Variants in ATXN7 observed in about 807,000 individuals in gnomAD.
ATXN7 encodes the protein ataxin 7.
ATXN7 carries 12 observed loss-of-function variants against 70.5 expected under a neutral mutation model. The ratio of observed to expected loss-of-function variants is 0.17; its 90% CI spans 0.11 to 0.28. The LOEUF (loss-of-function observed/expected upper bound fraction) is 0.28. Among genes scored for constraint, ATXN7 ranks in the 10% least tolerant of loss-of-function variants. ATXN7 has a pLI of 1.00. For missense variants in ATXN7, 1,256 were observed against 1,131.7 expected (o/e 1.11, Z -1.58); for synonymous variants, 498 against 448.7 (o/e 1.11, Z -1.39).
At chr3:63,922,296 C>G (rs1307481870) in intron 4 of ATXN7, among the ~76,000 whole-genome samples, 1 of 152,144 alleles carries the variant, frequency 6.6e-6, no homozygotes, top group Non-Finnish European at 1.5e-5. Context: ...CCCACCTCAG[C>G]CTCCCGGAGT....
intron 1 of ATXN7, among the ~76,000 whole-genome samples, chr3:63,880,731 C>T (rs1702883116): frequency 6.6e-6 from 1 of 152,160 alleles, no homozygotes; most frequent in South Asian, 2.1e-4. Flanking sequence ...ACCTTCTAGA[C>T]AAAATTCAGT....
Position 63,988,164 on chromosome 3 carries a change from C to A in ATXN7, c.1201C>A (p.His401Asn), listed in dbSNP as rs1259171914. 1 of 1,613,866 alleles carries A rather than the reference C, an allele frequency of 6.2e-7. No individual in the cohort carries two copies. The highest frequency in any genetic ancestry group is 1.3e-5 in the African/African-American group (1 of 74,844). Residue 401 changes from histidine to asparagine, a missense_variant, in exon 9 of 13, where the codon CAT (histidine) becomes AAT (asparagine). His to Asn is a moderately conservative substitution (Grantham distance 68). Coordinates refer to ENST00000674280, the MANE Select transcript of ATXN7 (RefSeq NM_001377405.1). The part of the protein sequence containing the change: ...NKTREKELIR[H>N]PDSQQPPQPL... ...AACCAGGGAAAAGGAATTGATTCGC[C>A]ATCCGGACTCTCAGCAACCACCGCA...
chr3:63,999,720 C>T lies in ATXN7; in HGVS notation c.*253C>T, dbSNP rs943362652. On this transcript the variant is annotated 3_prime_UTR_variant, in exon 13 of 13. Transcript: ENST00000674280. ...TTGCTTTTATCAGTGTTAAAGTGGT[C>T]TGAACTGCTTGCTACCAATCTGTGA... 1.7e-5 allele frequency: 11 copies of T among 642,190 alleles called. No individual in the cohort carries two copies. Among genetic ancestry groups the T allele is most frequent in the African/African-American group, 1.6e-4 (9 of 54,668 alleles). The allele number at this position is 642,190 out of a possible 1,614,324, so 39.8% of individuals were successfully genotyped here. A position where few individuals can be genotyped will look rare whatever the true frequency, so the allele number is the denominator to read the frequency against.
intron 2 of ATXN7, among the ~76,000 whole-genome samples, chr3:63,910,409 T>A (rs901450424): frequency 6.6e-6 from 1 of 152,224 alleles, no homozygotes. Flanking sequence ...AAAATCCAAA[T>A]TTTCGTTTTT....
upstream of ATXN7, chr3:63,863,712 T>C: frequency 8.0e-7 from 1 of 1,247,296 alleles, no homozygotes; most frequent in Non-Finnish European, 1.0e-6. Context: ...AGGCCAGGGG[T>C]CTCAGGGGAG....
At chr3:63,931,252 T>G (rs764891303) in intron 4 of ATXN7, among the ~76,000 whole-genome samples, 2 of 152,192 alleles carry the variant, frequency 1.3e-5, no homozygotes, top group Non-Finnish European at 2.9e-5. Context: ...AGCAGAAGTT[T>G]GCTGATTTAT....
chr3:63,893,728 T>C (rs1211521894), intron 1 of ATXN7, among the ~76,000 whole-genome samples: 1 of 152,204 alleles, frequency 6.6e-6, no homozygotes, highest in Non-Finnish European at 1.5e-5. Context: ...CTTGTGTGTT[T>C]TCACATTGAC....
chr3:63,950,342 G>A (rs2074933261), intron 4 of ATXN7, among the ~76,000 whole-genome samples: 1 of 152,166 alleles, frequency 6.6e-6, no homozygotes, highest in African/African-American at 2.4e-5. Context: ...TCTATTTTAA[G>A]CAACAGTGCT....
Position 63,994,708 on chromosome 3 carries a change from C to T in ATXN7, c.1683-797C>T, listed in dbSNP as rs554995086. Among the ~76,000 whole-genome samples, 9 of 152,336 alleles carry T rather than the reference C, an allele frequency of 5.9e-5. No individual in the cohort carries two copies. The East Asian group carries it at 1.7e-3, about 29-fold the overall frequency. On this transcript the variant is annotated intron_variant, in intron 11 of 12. Transcript: ENST00000674280. ...CCCCTTAAGTCAGGATCAAGGCAAT[C>T]CTGGCACTTGCCTTCCAGTCAGGCC...
chr3:63,930,047 G>A (rs1704887204), intron 4 of ATXN7, among the ~76,000 whole-genome samples: 1 of 152,028 alleles, frequency 6.6e-6, no homozygotes, highest in African/African-American at 2.4e-5. Flanking sequence ...AGGAATCTAG[G>A]GTTTTGAAAT....
intron 1 of ATXN7, among the ~76,000 whole-genome samples, chr3:63,886,658 T>C (rs1278934885): frequency 6.6e-6 from 1 of 152,200 alleles, no homozygotes; most frequent in Non-Finnish European, 1.5e-5. Flanking sequence ...TTGCAACTTT[T>C]CTGTAAATTC....
chr3:63,974,470 A>G (rs1376178339), intron 5 of ATXN7, among the ~76,000 whole-genome samples: 1 of 152,236 alleles, frequency 6.6e-6, no homozygotes, highest in Admixed American at 6.5e-5. Flanking sequence ...AGAGCAGGCA[A>G]GTTGCCTTGT....
At chr3:63,889,335 C>G (rs538193274) in intron 1 of ATXN7, among the ~76,000 whole-genome samples, 2 of 152,296 alleles carry the variant, frequency 1.3e-5, no homozygotes, top group Non-Finnish European at 2.9e-5. Context: ...ATCTTGAAAT[C>G]TTCAAAGGAG....
At chr3:63,958,826 A>C (rs1236029905) in intron 5 of ATXN7, among the ~76,000 whole-genome samples, 2 of 152,178 alleles carry the variant, frequency 1.3e-5, no homozygotes, top group Non-Finnish European at 2.9e-5. Context: ...CAAAGTCGTA[A>C]ATTAAATTTC....
intron 4 of ATXN7, among the ~76,000 whole-genome samples, chr3:63,948,367 G>C (rs1406586555): frequency 1.3e-5 from 2 of 152,130 alleles, no homozygotes; most frequent in African/African-American, 4.8e-5. Context: ...CAAGAGTGAA[G>C]TTTTGGACAT....
At chr3:63,959,794 C>T (rs888513614) in intron 5 of ATXN7, among the ~76,000 whole-genome samples, 1 of 152,078 alleles carries the variant, frequency 6.6e-6, no homozygotes, top group Non-Finnish European at 1.5e-5. Context: ...TTACTGATAT[C>T]TGTGCTTTTA....
intron 1 of ATXN7, chr3:63,864,410 A>G (rs1158071374): frequency 6.6e-6 from 1 of 151,952 alleles, no homozygotes; most frequent in Non-Finnish European, 1.5e-5. Context: ...GTCCCCGCGA[A>G]GTTGGCGCCC....
intron 1 of ATXN7, among the ~76,000 whole-genome samples, chr3:63,879,338 A>C (rs1702838816): frequency 6.6e-6 from 1 of 152,182 alleles, no homozygotes; most frequent in South Asian, 2.1e-4. Flanking sequence ...ACTAACATTT[A>C]AAAAATATGC....
intron 11 of ATXN7, among the ~76,000 whole-genome samples, chr3:63,992,957 C>T (rs995346340): frequency 6.6e-6 from 1 of 152,154 alleles, no homozygotes; most frequent in African/African-American, 2.4e-5. Context: ...TCTTTGAAGC[C>T]CTCAAGGAAA....
Sources: allele counts gnomAD v4.1 joint callset (sites outside exome capture counted in the v4.1 genomes callset), GRCh38; gene constraint gnomAD v4.1.1; transcripts MANE v1.5; gene names NCBI Gene and HGNC (gene_info 2026-07-23, HGNC 2026-07-21).